The following PARD3B variants were observed in gnomAD, a reference collection of about 807,000 sequenced individuals.
PARD3B encodes the protein partitioning defective 3 homolog B.
PARD3B carries 103 observed loss-of-function variants against 130.2 expected under a neutral mutation model. That is an observed-to-expected ratio of 0.79 (90% CI 0.67 to 0.93). The LOEUF is 0.93. Among genes scored for constraint, PARD3B ranks in the 40% least tolerant of loss-of-function variants. The pLI is 0.00. For missense variants in PARD3B, 1,609 were observed against 1,499.2 expected (o/e 1.07, Z -1.21); for synonymous variants, 583 against 553.2 (o/e 1.05, Z -0.76).
chr2:204,833,915 T>G (rs1255409716), intron 2 of PARD3B, among the ~76,000 whole-genome samples: 1 of 151,996 alleles, frequency 6.6e-6, no homozygotes, highest in Non-Finnish European at 1.5e-5. Context: ...CACCTACCTC[T>G]CCAAATTCAT....
intron 1 of PARD3B, among the ~76,000 whole-genome samples, chr2:204,611,803 G>A (rs151141397): frequency 1.3e-4 from 19 of 151,920 alleles, no homozygotes; most frequent in African/African-American, 4.1e-4. Flanking sequence ...TCTAAAAGTT[G>A]TGTAGGGTAT....
chr2:205,018,642 C>G lies in PARD3B; in HGVS notation c.395-28939C>G, dbSNP rs551757943. Among the ~76,000 whole-genome samples, 189 of 135,360 alleles carry G rather than the reference C, an allele frequency of 1.4e-3. 1 individual carries two copies. Among genetic ancestry groups the G allele is most frequent in the African/African-American group, 5.1e-3 (185 of 36,090 alleles). 88.8% of individuals were successfully genotyped at this position (135,360 alleles called of 152,430 possible). A position where few individuals can be genotyped will look rare whatever the true frequency, so the allele number is the denominator to read the frequency against. ...CCAAAATTTGCCTCATCAGGAGAGC[C>G]TCGTTTTTCTTGACCCAAGGTTACA... On this transcript the variant is annotated intron_variant, in intron 3 of 22. Coordinates refer to ENST00000406610, the MANE Select transcript of PARD3B (RefSeq NM_001302769.2).
At chr2:205,135,970 T>G (rs568047379) in intron 10 of PARD3B, among the ~76,000 whole-genome samples, 4 of 152,164 alleles carry the variant, frequency 2.6e-5, no homozygotes, top group Admixed American at 6.5e-5. Context: ...CCAAAGAACA[T>G]TTAATATTGT....
intron 1 of PARD3B, among the ~76,000 whole-genome samples, chr2:204,569,114 T>C (rs1416052480): frequency 6.6e-6 from 1 of 152,210 alleles, no homozygotes; most frequent in Non-Finnish European, 1.5e-5. Flanking sequence ...GGGAGTGTGG[T>C]GCTGAACCGC....
rs545350391 is a variant in PARD3B, at chr2:205,321,511, T to C, written c.2630+19810T>C. Among the ~76,000 whole-genome samples the C allele has an allele frequency of 6.6e-6, 1 of 152,222 alleles. No individual in the cohort carries two copies. Among genetic ancestry groups the C allele is most frequent in the African/African-American group, 2.4e-5 (1 of 41,538 alleles). The stretch of plus-strand genomic sequence containing the variant: ...CTCTCTCTCCCCCCGCCCATATGAA[T>C]GTATATGCACAAATGCAGGCATGCA... On this transcript the variant is annotated intron_variant, in intron 18 of 22. Coordinates refer to ENST00000406610, the MANE Select transcript of PARD3B (RefSeq NM_001302769.2). The surrounding 1 kb of genome is among the most constrained non-coding windows in gnomAD (Gnocchi z 4.2).
intron 21 of PARD3B, among the ~76,000 whole-genome samples, chr2:205,545,849 C>T (rs1420846518): frequency 2.0e-5 from 3 of 152,132 alleles, no homozygotes; most frequent in African/African-American, 7.2e-5. Flanking sequence ...ATTATATCTT[C>T]TCCTCTGCCA....
Position 205,184,744 on chromosome 2 carries a change from AAAT to A in PARD3B, c.1925-1005_1925-1003del, listed in dbSNP as rs960696876. On this transcript the variant is annotated intron_variant, in intron 13 of 22. Coordinates refer to ENST00000406610, the MANE Select transcript of PARD3B (RefSeq NM_001302769.2). ...GTGGCAGAGCGAGACTCCATCTCAA[AAAT>A]AATAATAATAATAAATATATACACA... 1.4e-3 allele frequency among the ~76,000 whole-genome samples: 214 copies of A among 151,754 alleles called. 1 individual carries two copies. Among genetic ancestry groups the A allele is most frequent in the African/African-American group, 3.7e-3 (153 of 41,346 alleles).
At chr2:204,706,366 CAAAAAA>C (rs796492468) in intron 2 of PARD3B, among the ~76,000 whole-genome samples, 1,881 of 87,290 alleles carry the variant, frequency 0.022, 48 homozygotes, top group African/African-American at 0.071. Flanking sequence ...GACTCTGTCT[CAAAAAA>C]AAAAAAAGAA....
At chr2:204,978,979 A>G (rs557704774) in intron 3 of PARD3B, among the ~76,000 whole-genome samples, 1 of 151,828 alleles carries the variant, frequency 6.6e-6, no homozygotes, top group South Asian at 2.1e-4. Context: ...AAAAAAAAAA[A>G]AAAAAAAGAC....
At chr2:205,394,229 G>C (rs1311237725) in intron 18 of PARD3B, among the ~76,000 whole-genome samples, 1 of 152,048 alleles carries the variant, frequency 6.6e-6, no homozygotes, top group Admixed American at 6.6e-5. Flanking sequence ...GGTCTGTGTG[G>C]GGGGTTTTTC....
At chr2:205,221,927 G>A (rs1176886572) in intron 15 of PARD3B, among the ~76,000 whole-genome samples, 1 of 152,036 alleles carries the variant, frequency 6.6e-6, no homozygotes, top group African/African-American at 2.4e-5. Context: ...ACATAGAGGG[G>A]AACAACACAC....
intron 13 of PARD3B, among the ~76,000 whole-genome samples, chr2:205,178,384 C>T (rs528087761): frequency 2.0e-5 from 3 of 151,954 alleles, no homozygotes; most frequent in Non-Finnish European, 4.4e-5. Flanking sequence ...ACCCAGGAGG[C>T]GGAGCTTGCA....
intron 15 of PARD3B, among the ~76,000 whole-genome samples, chr2:205,223,565 T>C (rs1320880810): frequency 6.6e-6 from 1 of 152,174 alleles, no homozygotes; most frequent in Non-Finnish European, 1.5e-5. Flanking sequence ...AGCCTAGATA[T>C]GGTTTCTTTT....
At chr2:205,168,624 G>T (rs749374581) in intron 11 of PARD3B, among the ~76,000 whole-genome samples, 12 of 151,116 alleles carry the variant, frequency 7.9e-5, no homozygotes, top group Non-Finnish European at 1.6e-4. Context: ...ACATAGACGT[G>T]CATGTATGGA....
intron 3 of PARD3B, among the ~76,000 whole-genome samples, chr2:204,983,128 C>T (rs1192979690): frequency 6.6e-6 from 1 of 151,950 alleles, no homozygotes; most frequent in African/African-American, 2.4e-5. Flanking sequence ...AGCTCGGTGA[C>T]CTGAAGCATT....
chr2:204,612,047 C>T (rs2033948486), intron 1 of PARD3B, among the ~76,000 whole-genome samples: 1 of 152,200 alleles, frequency 6.6e-6, no homozygotes, highest in Non-Finnish European at 1.5e-5. Flanking sequence ...TTCATTTCTA[C>T]ACAGATGTCA....
intron 22 of PARD3B, among the ~76,000 whole-genome samples, chr2:205,579,258 A>G (rs990165385): frequency 6.6e-6 from 1 of 152,188 alleles, no homozygotes; most frequent in African/African-American, 2.4e-5. Flanking sequence ...GAATTAATAG[A>G]AAACCCTGAG....
chr2:204,611,509 G>A (rs1014556307), intron 1 of PARD3B, among the ~76,000 whole-genome samples: 5 of 152,082 alleles, frequency 3.3e-5, no homozygotes, highest in Admixed American at 1.3e-4. Context: ...AGATTGTCTC[G>A]TGGTATGTAA....
intron 2 of PARD3B, among the ~76,000 whole-genome samples, chr2:204,945,845 T>G (rs933014552): frequency 6.8e-6 from 1 of 147,962 alleles, no homozygotes; most frequent in Non-Finnish European, 1.5e-5. Flanking sequence ...TTTCTTTTCC[T>G]GTTAACCTCC....
Sources: allele counts gnomAD v4.1 joint callset (sites outside exome capture counted in the v4.1 genomes callset), GRCh38; gene constraint gnomAD v4.1.1; non-coding constraint Gnocchi (gnomAD v3.1); transcripts MANE v1.5; gene names NCBI Gene and HGNC (gene_info 2026-07-23, HGNC 2026-07-21).